Variants in ZNF804A observed in about 807,000 individuals in gnomAD.
ZNF804A encodes the protein zinc finger protein 804A.
A neutral mutation model predicts 16.5 loss-of-function variants in ZNF804A; 2 were observed. The observed-to-expected ratio is 0.12, with a 90% CI of 0.05 to 0.38. The LOEUF is 0.38. ZNF804A is among the 10% of genes least tolerant of loss of function. The probability of loss-of-function intolerance (pLI) is 0.99; values close to 1 mark genes in which losing one functional copy is unlikely to be tolerated. For synonymous variants in ZNF804A, 534 were observed against 489.6 expected (o/e 1.09, Z -1.20); for missense variants, 1,473 against 1,390.7 (o/e 1.06, Z -0.94).
At chr2:184,682,869 A>G (rs1387650751) in intron 1 of ZNF804A, among the ~76,000 whole-genome samples, 2 of 152,068 alleles carry the variant, frequency 1.3e-5, no homozygotes, top group African/African-American at 4.8e-5. Context: ...TTAACCCAGC[A>G]TGGTGGTGTA....
At chr2:184,665,851 C>T (rs561099275) in intron 1 of ZNF804A, among the ~76,000 whole-genome samples, 5 of 152,220 alleles carry the variant, frequency 3.3e-5, no homozygotes, top group South Asian at 4.1e-4. Context: ...TTGCATGAGT[C>T]CCTCTTGTAC....
chr2:184,684,746 T>C (rs1692600666), intron 1 of ZNF804A, among the ~76,000 whole-genome samples: 1 of 151,678 alleles, frequency 6.6e-6, no homozygotes, highest in Non-Finnish European at 1.5e-5. Flanking sequence ...AAAGTGTCTA[T>C]TGTTCCCATG....
At chr2:184,825,784 G>A (rs1695155932) in intron 1 of ZNF804A, among the ~76,000 whole-genome samples, 1 of 151,936 alleles carries the variant, frequency 6.6e-6, no homozygotes, top group Non-Finnish European at 1.5e-5. Flanking sequence ...TTAATGAATG[G>A]AATATATATT....
intron 1 of ZNF804A, among the ~76,000 whole-genome samples, chr2:184,609,278 G>A (rs1370312451): frequency 6.6e-6 from 1 of 152,124 alleles, no homozygotes; most frequent in Non-Finnish European, 1.5e-5. Flanking sequence ...TGTATGGGCA[G>A]CACTCAGAAT....
intron 2 of ZNF804A, among the ~76,000 whole-genome samples, chr2:184,916,899 G>T (rs373204227): frequency 6.6e-6 from 1 of 151,784 alleles, no homozygotes; most frequent in East Asian, 1.9e-4. Context: ...AAAAAAAAAT[G>T]CATAGGTAAT....
chr2:184,836,144 C>A (rs1695342580), intron 1 of ZNF804A, among the ~76,000 whole-genome samples: 1 of 152,100 alleles, frequency 6.6e-6, no homozygotes, highest in Non-Finnish European at 1.5e-5. Context: ...AAATGCCTAG[C>A]ATGGTGCTTG....
chr2:184,835,240 T>G (rs567208317), intron 1 of ZNF804A, among the ~76,000 whole-genome samples: 1 of 152,206 alleles, frequency 6.6e-6, no homozygotes, highest in East Asian at 1.9e-4. Flanking sequence ...GAAGCAGCAG[T>G]GTAGAGCAGC....
intron 1 of ZNF804A, among the ~76,000 whole-genome samples, chr2:184,691,627 A>G (rs1057012854): frequency 4.6e-5 from 7 of 151,830 alleles, no homozygotes; most frequent in African/African-American, 7.2e-5. Flanking sequence ...TATTATTTGG[A>G]TATACTGTTA....
intron 1 of ZNF804A, among the ~76,000 whole-genome samples, chr2:184,799,234 C>T (rs1694684977): frequency 6.6e-6 from 1 of 151,994 alleles, no homozygotes; most frequent in Non-Finnish European, 1.5e-5. Context: ...CCACTCACTG[C>T]TGTCTGTCCC....
At chr2:184,809,720 A>G (rs1694863083) in intron 1 of ZNF804A, among the ~76,000 whole-genome samples, 1 of 151,984 alleles carries the variant, frequency 6.6e-6, no homozygotes, top group Non-Finnish European at 1.5e-5. Flanking sequence ...ACAAAAAATT[A>G]TCCCTGTGTG....
chr2:184,696,441 G>A (rs547094865), intron 1 of ZNF804A, among the ~76,000 whole-genome samples: 2 of 152,180 alleles, frequency 1.3e-5, no homozygotes, highest in African/African-American at 2.4e-5. Context: ...GCTTATTATT[G>A]GGAAGTTCTA....
chr2:184,933,531 C>T lies in ZNF804A; in HGVS notation c.256-72C>T, dbSNP rs184024660. ...AAGATGATGCATTGGAAAATTTCAA[C>T]AATAACAATGAAACTTTAAAACTAC... On this transcript the variant is annotated intron_variant, in intron 2 of 3. Coordinates refer to ENST00000302277, the MANE Select transcript of ZNF804A (RefSeq NM_194250.2). The T allele has an allele frequency of 1.0e-4, 150 of 1,434,110 alleles. 1 individual carries two copies. The East Asian group carries it at 3.2e-3, about 31-fold the overall frequency. The allele number at this position is 1,434,110 out of a possible 1,614,324, so 88.8% of individuals were successfully genotyped here.
rs556367627 is a variant in ZNF804A, at chr2:184,869,258, T to A, written c.255+2746T>A. Among the ~76,000 whole-genome samples the A allele has an allele frequency of 2.6e-5, 4 of 152,140 alleles. No individual in the cohort carries two copies. The South Asian group carries it at 6.2e-4, about 24-fold the overall frequency. ...TAAAAGCAGTCTTTCCTACAACTTG[T>A]ATGCAGTAAGTCACTTAAGCACTTA... On this transcript the variant is annotated intron_variant, in intron 2 of 3. Coordinates refer to ENST00000302277, the MANE Select transcript of ZNF804A (RefSeq NM_194250.2).
chr2:184,763,728 CA>C (rs1391984332), intron 1 of ZNF804A, among the ~76,000 whole-genome samples: 1 of 148,216 alleles, frequency 6.7e-6, no homozygotes, highest in East Asian at 2.0e-4. Flanking sequence ...CTGCAAGCTC[CA>C]CCTCCCGGGT....
chr2:184,913,109 G>C (rs986133785), intron 2 of ZNF804A, among the ~76,000 whole-genome samples: 1 of 151,976 alleles, frequency 6.6e-6, no homozygotes, highest in South Asian at 2.1e-4. Context: ...TTTTTTAAAT[G>C]GTGTGAGGTA....
intron 1 of ZNF804A, among the ~76,000 whole-genome samples, chr2:184,697,357 A>G (rs921260830): frequency 1.2e-4 from 19 of 152,088 alleles, no homozygotes; most frequent in African/African-American, 4.1e-4. Flanking sequence ...TTTCTGGGTC[A>G]TAGAATCTGT....
chr2:184,614,616 G>A (rs10202700), intron 1 of ZNF804A, among the ~76,000 whole-genome samples: 18,950 of 152,126 alleles, frequency 0.12, 1,264 homozygotes, highest in Middle Eastern at 0.23. Flanking sequence ...TAATTTGGAT[G>A]ATAACTTATG....
intron 1 of ZNF804A, among the ~76,000 whole-genome samples, chr2:184,671,348 G>A (rs949020321): frequency 1.8e-4 from 28 of 152,272 alleles, no homozygotes; most frequent in Non-Finnish European, 7.4e-5. Context: ...GAATCATAGA[G>A]AACTCTAGCC....
intron 1 of ZNF804A, among the ~76,000 whole-genome samples, chr2:184,815,950 A>G (rs1694976329): frequency 6.6e-6 from 1 of 152,010 alleles, no homozygotes; most frequent in African/African-American, 2.4e-5. Context: ...TTTGATACAT[A>G]TAAACACCAA....
Sources: allele counts gnomAD v4.1 joint callset (sites outside exome capture counted in the v4.1 genomes callset), GRCh38; gene constraint gnomAD v4.1.1; transcripts MANE v1.5; gene names NCBI Gene and HGNC (gene_info 2026-07-23, HGNC 2026-07-21).